Variants in CD99L2 observed in about 807,000 individuals in gnomAD.
CD99L2 encodes the protein CD99 antigen-like protein 2.
CD99L2 carries 24 observed loss-of-function variants against 27.3 expected under a neutral mutation model. That is an observed-to-expected ratio of 0.88 (90% CI 0.64 to 1.24). CD99L2 has a LOEUF of 1.24. Ranked by LOEUF, CD99L2 falls within the 50% of genes most tolerant of loss-of-function variation. The pLI, the probability that CD99L2 is intolerant of heterozygous loss-of-function variation, is 0.00. For missense variants in CD99L2, 255 were observed against 221.6 expected, an observed-to-expected ratio of 1.15 and a Z score of -0.96; for synonymous variants, 97 against 87.9, an observed-to-expected ratio of 1.10 and a Z score of -0.58.
chrX:150,771,800 G>C, intron 9 of CD99L2: 1 of 1,155,243 alleles, frequency 8.7e-7, no homozygotes, highest in Non-Finnish European at 1.1e-6. Context: ...GCAAAGCAGC[G>C]TTACCTTGAC....
chrX:150,852,885 C>A (rs1422906050), intron 1 of CD99L2, among the ~76,000 whole-genome samples: 1 of 112,062 alleles, frequency 8.9e-6, no homozygotes, highest in Non-Finnish European at 1.9e-5. Flanking sequence ...TTTTCTTTCA[C>A]TTTTTGCTAT....
Position 150,779,547 on chromosome X carries a change from C to T in CD99L2, c.497-2065G>A, listed in dbSNP as rs189683856. Reference sequence around the variant, plus strand: ...CACAGGCCACTGGAGTTAACCAAGCCGAGGTCATCGCTTTGAGCCACGCTG... The same window carrying T: ...CACAGGCCACTGGAGTTAACCAAGCTGAGGTCATCGCTTTGAGCCACGCTG... On this transcript the variant is annotated intron_variant, in intron 7 of 10. Coordinates refer to ENST00000370377, the MANE Select transcript of CD99L2 (RefSeq NM_031462.4). Among the ~76,000 whole-genome samples the T allele has an allele frequency of 2.1e-4, 24 of 112,352 alleles. No homozygotes were observed. The East Asian group carries it at 5.9e-3, about 27-fold the overall frequency.
At chrX:150,816,178 T>G in intron 2 of CD99L2, 100 bp from the exon 3 acceptor site, 1 of 828,043 alleles carries the variant, frequency 1.2e-6, no homozygotes, top group Non-Finnish European at 1.8e-6. Context: ...TAGAATATCC[T>G]TGTCTTGGTC....
At chrX:150,854,407 A>C in intron 1 of CD99L2, among the ~76,000 whole-genome samples, 1 of 111,861 alleles carries the variant, frequency 8.9e-6, no homozygotes. Flanking sequence ...ACTTGTTGGC[A>C]GCTAACCCAC....
chrX:150,882,921 T>A (rs782270236), intron 1 of CD99L2, among the ~76,000 whole-genome samples: 17 of 111,009 alleles, frequency 1.5e-4, no homozygotes, highest in Non-Finnish European at 3.0e-4. Flanking sequence ...CCTGTAATCC[T>A]AGCACTTTGG....
intron 1 of CD99L2, among the ~76,000 whole-genome samples, chrX:150,835,164 CA>C (rs1168854246): frequency 9.0e-6 from 1 of 111,632 alleles, no homozygotes; most frequent in Non-Finnish European, 1.9e-5. Flanking sequence ...TAAGTTTTAG[CA>C]ACCTATTGCA....
intron 1 of CD99L2, among the ~76,000 whole-genome samples, chrX:150,861,313 G>A (rs1603307888): frequency 9.0e-6 from 1 of 110,994 alleles, no homozygotes; most frequent in Non-Finnish European, 1.9e-5. Flanking sequence ...AAGCAATCCT[G>A]AGCAAAAAGA....
intron 2 of CD99L2, chrX:150,816,521 A>C (rs2046158029): frequency 7.5e-6 from 1 of 133,848 alleles, no homozygotes; most frequent in Non-Finnish European, 1.5e-5. Context: ...ATATGGGAGT[A>C]TTTCATAAAC....
intron 7 of CD99L2, among the ~76,000 whole-genome samples, chrX:150,788,333 A>C (rs2045632108): frequency 9.0e-6 from 1 of 111,400 alleles, no homozygotes; most frequent in African/African-American, 3.3e-5. Context: ...TTGTCTTTTC[A>C]TTGTTACACA....
In CD99L2 at chrX:150,814,910, A is replaced by C; in HGVS notation, c.229T>G (p.Leu77Val). The C allele has an allele frequency of 8.3e-7, 1 of 1,211,471 alleles. No homozygotes were observed. The highest frequency in any genetic ancestry group is 1.1e-6 in the Non-Finnish European group (1 of 895,320). ...CTGCGGCCATCATCTTGATCATCCA[A>C]AGCATCAGCCAAGTCCAATCCACTA... Reference protein sequence around the residue: ...PGSGLDLADALDDQDDGRRKP... With the variant: ...PGSGLDLADAVDDQDDGRRKP... The change falls in exon 4 of 11, where the codon TTG becomes GTG. Residue 77 changes from leucine (L) to valine (V), a missense_variant. Physicochemically the swap from Leu to Val is conservative, Grantham distance 32 (BLOSUM62 1). Coordinates refer to ENST00000370377, the MANE Select transcript of CD99L2 (RefSeq NM_031462.4).
At chrX:150,847,747 C>A (rs1557421497) in intron 1 of CD99L2, among the ~76,000 whole-genome samples, 1 of 110,886 alleles carries the variant, frequency 9.0e-6, no homozygotes, top group Non-Finnish European at 1.9e-5. Context: ...GCACAGCCAC[C>A]CACTGCATTG....
At chrX:150,889,886 C>G (rs1253519623) in intron 1 of CD99L2, among the ~76,000 whole-genome samples, 1 of 112,385 alleles carries the variant, frequency 8.9e-6, no homozygotes, top group East Asian at 2.8e-4. Flanking sequence ...GGCGCGGTGG[C>G]TCACGCCTGT....
At position 150,769,113 on chromosome X, in the gene CD99L2, A is replaced by G. The variant is rs1557418855; in HGVS notation, c.722-12T>C. The G allele has an allele frequency of 1.7e-6, 2 of 1,161,776 alleles. No homozygotes were observed. The highest frequency in any genetic ancestry group is 2.3e-6 in the Non-Finnish European group (2 of 876,327). ...CGTGGAGTATTTCACTAGGGGAAAA[A>G]GAGGCCGTCAGAAGGAATTCTGCTC... On this transcript the variant is annotated splice_polypyrimidine_tract_variant and intron_variant, in intron 10 of 10. Coordinates refer to ENST00000370377, the MANE Select transcript of CD99L2 (RefSeq NM_031462.4).
At chrX:150,769,201 C>G (rs1008691036) in intron 10 of CD99L2, 100 bp from the exon 11 acceptor site, 23 of 986,786 alleles carry the variant, frequency 2.3e-5, no homozygotes, top group East Asian at 3.7e-5. Flanking sequence ...CTGGGTTTCC[C>G]TTTGTATCCC....
At position 150,770,236 on chromosome X, in the gene CD99L2, C is replaced by T. The variant is rs375290964; in HGVS notation, c.721+68G>A. On this transcript the variant is annotated intron_variant, in intron 10 of 10. Transcript: ENST00000370377. ...TCTGTGCTTCCCTGCTTCTCTAGCACAGTTCTGCTCAGTGCTGGGACCAAC... is the reference window on the plus strand; with the variant it reads ...TCTGTGCTTCCCTGCTTCTCTAGCATAGTTCTGCTCAGTGCTGGGACCAAC... 1.2e-4 allele frequency: 120 copies of T among 1,013,702 alleles called. No homozygotes were observed. In the African/African-American group the frequency reaches 2.1e-3, roughly 18 times the overall value. 83.5% of individuals were successfully genotyped at this position (1,013,702 alleles called of 1,213,427 possible). A position where few individuals can be genotyped will look rare whatever the true frequency, so the allele number is the denominator to read the frequency against.
At chrX:150,855,414 C>T (rs1397161020) in intron 1 of CD99L2, among the ~76,000 whole-genome samples, 1 of 111,611 alleles carries the variant, frequency 9.0e-6, no homozygotes, top group African/African-American at 3.3e-5. Context: ...AGGAAACTTA[C>T]AGTCATGGTG....
In CD99L2 at chrX:150,898,470, C is replaced by A. The variant is rs1397141388; in HGVS notation, c.67+52G>T. 8.9e-6 allele frequency: 9 copies of A among 1,015,125 alleles called. No individual in the cohort carries two copies. In the African/African-American group the frequency reaches 1.4e-4, roughly 16 times the overall value. The allele number at this position is 1,015,125 out of a possible 1,213,427, so 83.7% of individuals were successfully genotyped here. ...GCTCATGCGCAGAGCGACCCCTGGG[C>A]CCACAAGGCGGGGTCCCCGCGCGGT... On this transcript the variant is annotated intron_variant, in intron 1 of 10. Transcript: ENST00000370377.
chrX:150,839,743 G>A (rs2046592928), intron 1 of CD99L2, among the ~76,000 whole-genome samples: 1 of 108,731 alleles, frequency 9.2e-6, no homozygotes, highest in Non-Finnish European at 1.9e-5. Flanking sequence ...AAATTAGCCT[G>A]GGGTTGGGGG....
intron 1 of CD99L2, among the ~76,000 whole-genome samples, chrX:150,893,079 A>C (rs1557422929): frequency 1.8e-5 from 2 of 111,386 alleles, no homozygotes; most frequent in Non-Finnish European, 3.8e-5. Context: ...AGATCGCACT[A>C]TTGCACTCCC....
Sources: gnomAD v4.1 joint callset for allele counts (sites outside exome capture counted in the v4.1 genomes callset) on GRCh38, gnomAD v4.1.1 for gene constraint, MANE v1.5 for transcripts, NCBI Gene and HGNC (gene_info 2026-07-23, HGNC 2026-07-21) for gene names.